DOCK8: variants seen among roughly 807,000 people sequenced by gnomAD.
The protein encoded by DOCK8 is dedicator of cytokinesis protein 8.
A neutral mutation model predicts 245.6 loss-of-function variants in DOCK8; 141 were observed. The observed-to-expected ratio is 0.57, with a 90% CI of 0.50 to 0.66. The LOEUF (loss-of-function observed/expected upper bound fraction) is 0.66, where lower values mean the gene tolerates loss of function less well. Among genes scored for constraint, DOCK8 ranks in the 30% least tolerant of loss-of-function variants. The probability of loss-of-function intolerance (pLI) is 0.00; values close to 1 mark genes in which losing one functional copy is unlikely to be tolerated. For synonymous variants in DOCK8, 1,168 were observed against 970.2 expected (o/e 1.20, Z -3.79); for missense variants, 2,965 against 2,603.4 (o/e 1.14, Z -3.02).
intron 14 of DOCK8, among the ~76,000 whole-genome samples, chr9:349,814 C>G (rs1248959099): frequency 6.6e-6 from 1 of 152,216 alleles, no homozygotes; most frequent in Non-Finnish European, 1.5e-5. Context: ...CTGAATTTTT[C>G]TCAGAAGACA....
intron 14 of DOCK8, among the ~76,000 whole-genome samples, chr9:344,801 G>A (rs868675002): frequency 1.1e-4 from 17 of 152,074 alleles, no homozygotes; most frequent in African/African-American, 3.1e-4. Context: ...TAATCCTAGC[G>A]CTTTCGGAGG....
intron 7 of DOCK8, among the ~76,000 whole-genome samples, chr9:318,873 T>G (rs1385135718): frequency 2.0e-5 from 3 of 152,250 alleles, no homozygotes; most frequent in Non-Finnish European, 4.4e-5. Context: ...CTATGTCATT[T>G]GAGATGGCAG....
intron 1 of DOCK8, among the ~76,000 whole-genome samples, chr9:242,548 C>G (rs1319585116): frequency 6.6e-6 from 1 of 152,116 alleles, no homozygotes; most frequent in Non-Finnish European, 1.5e-5. Context: ...TATGCATTAC[C>G]TTGTATAAGT....
chr9:374,840 C>A (rs1043744593), intron 18 of DOCK8, among the ~76,000 whole-genome samples: 5 of 151,940 alleles, frequency 3.3e-5, no homozygotes, highest in African/African-American at 9.7e-5. Flanking sequence ...TTCCACTGGA[C>A]AGTGCTATTT....
intron 9 of DOCK8, among the ~76,000 whole-genome samples, chr9:329,367 G>A (rs761854967): frequency 4.6e-5 from 7 of 152,170 alleles, no homozygotes; most frequent in Non-Finnish European, 8.8e-5. Flanking sequence ...TGTAGTCTCA[G>A]TGATCGCCCC....
rs758116479 is a variant in DOCK8, at chr9:418,173, A to C, written c.3806A>C (p.Asn1269Thr). The change falls in exon 30 of 48, where the codon AAT becomes ACT. Residue 1269 changes from asparagine to threonine, a missense_variant. Around this residue, in one of 3 missense-constraint regions of DOCK8, gnomAD observed 2,825 missense variants for 2,453.5 expected, o/e 1.15. Transcript: ENST00000432829. ...VALAIAGNNF[N>T]LKTSGIVLSS... ...CTGGCCATAGCAGGGAATAATTTCA[A>C]TTTGAAAACAAGTGGAATAGTGCTG... The C allele has an allele frequency of 5.0e-6, 8 of 1,614,216 alleles. No homozygotes were observed. The highest frequency in any genetic ancestry group is 1.6e-4 in the Middle Eastern group (1 of 6,062).
At chr9:286,668 G>T (rs1179785129) in intron 3 of DOCK8, 32 bp downstream of exon 3, 1 of 1,607,846 alleles carries the variant, frequency 6.2e-7, no homozygotes, top group African/African-American at 1.3e-5. Context: ...AGATGTGATT[G>T]GGATTGTCAT....
chr9:397,350 CA>C (rs36020302), intron 25 of DOCK8, among the ~76,000 whole-genome samples: 5,022 of 87,532 alleles, frequency 0.057, 167 homozygotes, highest in African/African-American at 0.17. Flanking sequence ...GACTCTGTCT[CA>C]AAAAAAAAAA....
chr9:296,391 T>C (rs1277464933), intron 4 of DOCK8, among the ~76,000 whole-genome samples: 1 of 152,218 alleles, frequency 6.6e-6, no homozygotes, highest in Admixed American at 6.5e-5. Flanking sequence ...TAAACTTGTT[T>C]ACATACTATA....
At chr9:351,724 A>G (rs2052177887) in intron 14 of DOCK8, among the ~76,000 whole-genome samples, 1 of 152,178 alleles carries the variant, frequency 6.6e-6, no homozygotes. Flanking sequence ...TTGCCTCTTT[A>G]TGTCCAAAGT....
At chr9:315,998 T>C (rs1363383090) in intron 6 of DOCK8, among the ~76,000 whole-genome samples, 2 of 151,216 alleles carry the variant, frequency 1.3e-5, no homozygotes, top group Admixed American at 1.3e-4. Context: ...ACTCAGCCAT[T>C]CCACCCAGCA....
chr9:435,026 AT>A, intron 39 of DOCK8, 51 bp downstream of exon 39: 1 of 1,599,630 alleles, frequency 6.3e-7, no homozygotes. Flanking sequence ...AACTGGGGCG[AT>A]TTTGTCCCCC....
chr9:415,692 G>GCACACA (rs140525484), intron 29 of DOCK8, among the ~76,000 whole-genome samples: 19,056 of 151,010 alleles, frequency 0.13, 1,284 homozygotes, highest in Admixed American at 0.16. Flanking sequence ...GTGCGCGCGT[G>GCACACA]CACACACACA....
intron 1 of DOCK8, among the ~76,000 whole-genome samples, chr9:230,599 G>A (rs906559636): frequency 6.6e-5 from 10 of 152,136 alleles, no homozygotes; most frequent in African/African-American, 2.4e-4. Context: ...CATTCTAACT[G>A]GTGTGAGATG....
intron 5 of DOCK8, among the ~76,000 whole-genome samples, chr9:307,351 T>TG (rs2049889140): frequency 2.6e-5 from 1 of 38,386 alleles, no homozygotes; most frequent in African/African-American, 7.3e-5. Context: ...TTTTTTTTTT[T>TG]TTTTTTTTTT....
chr9:291,242 C>A (rs1313624736), intron 4 of DOCK8, among the ~76,000 whole-genome samples: 1 of 152,102 alleles, frequency 6.6e-6, no homozygotes, highest in Non-Finnish European at 1.5e-5. Flanking sequence ...TTTCTCATGG[C>A]AATGCACGCT....
At chr9:316,393 T>C (rs367742914) in intron 6 of DOCK8, among the ~76,000 whole-genome samples, 18 of 152,358 alleles carry the variant, frequency 1.2e-4, no homozygotes, top group Admixed American at 4.6e-4. Flanking sequence ...TATTTCTCTT[T>C]AAGTGTTTAG....
At chr9:394,435 T>C (rs1227948856) in intron 24 of DOCK8, among the ~76,000 whole-genome samples, 2 of 152,258 alleles carry the variant, frequency 1.3e-5, no homozygotes, top group African/African-American at 4.8e-5. Context: ...AGTTTTGTTT[T>C]GTTTTTTTCC....
chr9:449,956 C>T lies in DOCK8; in HGVS notation c.5961+29C>T, dbSNP rs12351520. The stretch of plus-strand genomic sequence containing the variant: ...AGCAAAACCAGAGGTGGCAGCTCCT[C>T]TGGTTCTTATTATTTAGGTTGTCAT... On this transcript the variant is annotated intron_variant, in intron 45 of 47. Transcript: ENST00000432829. 0.071 allele frequency: 114,318 copies of T among 1,612,308 alleles called. 4,523 individuals are homozygous for T. Among genetic ancestry groups the T allele is most frequent in the African/African-American group, 0.15 (11,131 of 74,912 alleles).
Sources: allele counts gnomAD v4.1 joint callset (sites outside exome capture counted in the v4.1 genomes callset), GRCh38; gene constraint gnomAD v4.1.1; regional missense constraint gnomAD v4.1.1; transcripts MANE v1.5; gene names NCBI Gene and HGNC (gene_info 2026-07-23, HGNC 2026-07-21).